Variants in RAF1 observed in about 807,000 individuals in gnomAD.
The protein encoded by RAF1 is Raf-1 proto-oncogene, serine/threonine kinase.
A neutral mutation model predicts 81.1 loss-of-function variants in RAF1; 27 were observed. That is an observed-to-expected ratio of 0.33 (90% CI 0.25 to 0.46). The LOEUF (loss-of-function observed/expected upper bound fraction) is 0.46. RAF1 is among the 20% of genes least tolerant of loss of function. The probability of loss-of-function intolerance (pLI) is 1.00; values close to 1 mark genes in which losing one functional copy is unlikely to be tolerated. For synonymous variants in RAF1, 298 were observed against 294.0 expected, an observed-to-expected ratio of 1.01 and a Z score of -0.14; for missense variants, 598 against 826.0, an observed-to-expected ratio of 0.72 and a Z score of 3.38.
At chr3:12,642,750 T>C (rs946835092) in intron 1 of RAF1, among the ~76,000 whole-genome samples, 28 of 149,228 alleles carry the variant, frequency 1.9e-4, no homozygotes, top group African/African-American at 6.9e-4. Context: ...CATGGGCCTG[T>C]AGTCCCAGCT....
chr3:12,585,137 G>A lies in RAF1; in HGVS notation c.1713C>T (p.Ile571=), dbSNP rs1575531376. Residue 571 remains isoleucine (I), a synonymous_variant, in exon 16 of 18, where the codon ATC becomes ATT. Transcript: ENST00000442415. ...ACAGACTTACCTGATCTCGGTTGTT[G>A]ATGTGAGAATAAGGAAGCTCCCCCG... is the stretch of plus-strand genomic sequence containing the variant. 1 of 1,614,164 alleles carries A rather than the reference G, an allele frequency of 6.2e-7. No homozygotes were observed. Among genetic ancestry groups the A allele is most frequent in the East Asian group, 2.2e-5 (1 of 44,884 alleles).
At chr3:12,588,204 T>C (rs1374195004) in intron 13 of RAF1, 1 of 152,230 alleles carries the variant, frequency 6.6e-6, no homozygotes, top group Non-Finnish European at 1.5e-5. Flanking sequence ...ATCCATACAA[T>C]GGAATGTTAC....
Position 12,618,727 on chromosome 3 carries a change from C to A in RAF1, c.-6G>T, listed in dbSNP as rs1453501999. On this transcript the variant is annotated 5_prime_UTR_variant, in exon 2 of 18. Coordinates refer to ENST00000442415, the MANE Select transcript of RAF1 (RefSeq NM_001354689.3). ...GCTCCCTGTATGTGCTCCATTGATG[C>A]AGCTTAAACAATTCTTAAACCTGGT... 8 of 1,613,772 alleles carry A rather than the reference C, an allele frequency of 5.0e-6. No individual in the cohort carries two copies. Among genetic ancestry groups the A allele is most frequent in the Non-Finnish European group, 6.8e-6 (8 of 1,179,738 alleles).
At chr3:12,630,151 A>G (rs2059819716) in intron 1 of RAF1, among the ~76,000 whole-genome samples, 1 of 152,226 alleles carries the variant, frequency 6.6e-6, no homozygotes, top group South Asian at 2.1e-4. Flanking sequence ...GAAGTTACTC[A>G]CAATTTTACT....
rs1575532419 is a variant in RAF1, at chr3:12,585,573, T to C, written c.1596+108A>G. ...TGAGGCTGGCTGTCACTAGGGGTCATGTGGATTTCGGGGAAATGTACAGAA... is the reference window on the plus strand; with the variant it reads ...TGAGGCTGGCTGTCACTAGGGGTCACGTGGATTTCGGGGAAATGTACAGAA... On this transcript the variant is annotated intron_variant, in intron 15 of 17. Coordinates refer to ENST00000442415, the MANE Select transcript of RAF1 (RefSeq NM_001354689.3). 35 of 1,359,650 alleles carry C rather than the reference T, an allele frequency of 2.6e-5. No individual in the cohort carries two copies. In the East Asian group the frequency reaches 7.2e-4, roughly 28 times the overall value. 84.2% of individuals were successfully genotyped at this position (1,359,650 alleles called of 1,614,324 possible). A position where few individuals can be genotyped will look rare whatever the true frequency, so the allele number is the denominator to read the frequency against.
chr3:12,642,466 C>G (rs540594679), intron 1 of RAF1, among the ~76,000 whole-genome samples: 9 of 151,144 alleles, frequency 6.0e-5, no homozygotes, highest in Admixed American at 2.6e-4. Context: ...GAGCTGAGAT[C>G]GCGCCACAGC....
intron 1 of RAF1, among the ~76,000 whole-genome samples, chr3:12,657,900 T>C: frequency 6.7e-6 from 1 of 150,160 alleles, no homozygotes; most frequent in East Asian, 1.9e-4. Context: ...AAAAAAACCC[T>C]ATCACAGTCA....
At position 12,664,077 on chromosome 3, in the gene RAF1, TACTCCCGCCATCTAAGATGGCGGCCCAA is replaced by T; in HGVS notation, c.-319_-292del. ...TCCCGCCTCACAATCGTTTTCCTCT[TACTCCCGCCATCTAAGATGGCGGCCCAA>T]GCGCCCGCGATTAAGACTCTCGGGC... On this transcript the variant is annotated 5_prime_UTR_variant, in exon 1 of 18. The change abolishes an upstream ATG in the 5' untranslated region. Coordinates refer to ENST00000442415, the MANE Select transcript of RAF1 (RefSeq NM_001354689.3). 2.5e-6 allele frequency: 1 copy of T among 398,290 alleles called. No individual in the cohort carries two copies. Among genetic ancestry groups the T allele is most frequent in the Non-Finnish European group, 4.4e-6 (1 of 225,894 alleles). The allele number at this position is 398,290 out of a possible 1,614,324, so 24.7% of individuals were successfully genotyped here.
chr3:12,588,856 T>C (rs1202663865), intron 13 of RAF1: 2 of 152,194 alleles, frequency 1.3e-5, no homozygotes, highest in Non-Finnish European at 2.9e-5. Context: ...AAGTGGCAGG[T>C]GTTTGGGTCA....
chr3:12,600,777 G>A lies in RAF1; in HGVS notation c.895-362C>T, dbSNP rs184694135. Among the ~76,000 whole-genome samples the A allele has an allele frequency of 3.4e-3, 511 of 152,342 alleles. 1 individual carries two copies. The highest frequency in any genetic ancestry group is 5.4e-3 in the Admixed American group (82 of 15,304). On this transcript the variant is annotated intron_variant, in intron 8 of 17. Coordinates refer to ENST00000442415, the MANE Select transcript of RAF1 (RefSeq NM_001354689.3). ...GGGCTTCGCCATGTTGGCCAGGCTC[G>A]TCTTGAACTCCTGACCTGAGGTGAT...
chr3:12,649,714 A>G (rs1199087929), intron 1 of RAF1, among the ~76,000 whole-genome samples: 1 of 152,112 alleles, frequency 6.6e-6, no homozygotes, highest in African/African-American at 2.4e-5. Context: ...GAAACACAAA[A>G]ATATAACCTA....
chr3:12,646,118 C>CTAA (rs1186001443), intron 1 of RAF1, among the ~76,000 whole-genome samples: 2 of 152,106 alleles, frequency 1.3e-5, no homozygotes, highest in East Asian at 1.9e-4. Flanking sequence ...AAATAATATA[C>CTAA]TAATAGATGG....
chr3:12,595,210 A>G (rs2058648799), intron 11 of RAF1, among the ~76,000 whole-genome samples: 1 of 151,962 alleles, frequency 6.6e-6, no homozygotes, highest in East Asian at 1.9e-4. Context: ...TGGGACTACA[A>G]TACAGGTGTG....
intron 1 of RAF1, among the ~76,000 whole-genome samples, chr3:12,633,500 AAAG>A (rs1380226680): frequency 9.8e-4 from 149 of 151,632 alleles, no homozygotes; most frequent in African/African-American, 2.5e-3. Context: ...AAAAAAAAAA[AAAG>A]AAAGGAAAAG....
At chr3:12,656,602 C>A (rs2060701540) in intron 1 of RAF1, among the ~76,000 whole-genome samples, 1 of 152,088 alleles carries the variant, frequency 6.6e-6, no homozygotes, top group Admixed American at 6.5e-5. Flanking sequence ...GTTTTGAGAA[C>A]TGGAGATATA....
intron 1 of RAF1, among the ~76,000 whole-genome samples, chr3:12,653,663 T>C (rs2060601058): frequency 6.6e-6 from 1 of 151,862 alleles, no homozygotes; most frequent in Admixed American, 6.6e-5. Flanking sequence ...GAGAATCACT[T>C]GAACCCAGGA....
intron 1 of RAF1, among the ~76,000 whole-genome samples, chr3:12,624,548 AC>A (rs1223210341): frequency 1.3e-5 from 2 of 152,194 alleles, no homozygotes; most frequent in Non-Finnish European, 2.9e-5. Flanking sequence ...ACACATACAC[AC>A]ACATCCTAGA....
intron 1 of RAF1, among the ~76,000 whole-genome samples, chr3:12,635,291 C>G (rs1422713019): frequency 1.7e-5 from 2 of 118,764 alleles, no homozygotes; most frequent in African/African-American, 6.6e-5. Context: ...TGTACTCCAG[C>G]CTGGGTGACA....
rs750697353 is a variant in RAF1 at position 12,608,919 on chromosome 3, C to T, written c.428G>A (p.Arg143Gln). ...GAAGGCAAGCTTCAGGAACGTCTTC[C>T]GAGCCTACAACAAGAACACAGGTGT... Residue 143 changes from arginine (R) to glutamine (Q), a missense_variant, in exon 5 of 18, where the codon CGG becomes CAG. Arg to Gln is a conservative substitution (Grantham distance 43). This residue lies in a region of RAF1 where 89 missense variants were observed against 169.2 expected (regional missense o/e 0.53). Transcript: ENST00000442415. The T allele has an allele frequency of 8.7e-6, 14 of 1,613,868 alleles. No individual in the cohort carries two copies. Among genetic ancestry groups the T allele is most frequent in the South Asian group, 2.2e-5 (2 of 91,074 alleles).
Sources: gnomAD v4.1 joint callset for allele counts (sites outside exome capture counted in the v4.1 genomes callset) on GRCh38, gnomAD v4.1.1 for gene constraint, gnomAD v4.1.1 regional missense constraint, MANE v1.5 for transcripts, NCBI Gene and HGNC (gene_info 2026-07-23, HGNC 2026-07-21) for gene names.